CYB5R3: variants seen among roughly 807,000 people sequenced by gnomAD.
CYB5R3 encodes the protein cytochrome b5 reductase 3, also known as NADH-cytochrome b5 reductase 3.
CYB5R3 carries 28 observed loss-of-function variants against 36.5 expected under a neutral mutation model. The ratio of observed to expected loss-of-function variants is 0.77; its 90% CI spans 0.57 to 1.05. The LOEUF (loss-of-function observed/expected upper bound fraction) is 1.05, where lower values mean the gene tolerates loss of function less well. Among genes scored for constraint, CYB5R3 ranks in the 50% least tolerant of loss-of-function variants. The probability of loss-of-function intolerance (pLI) is 0.00; values close to 1 mark genes in which losing one functional copy is unlikely to be tolerated. For missense variants in CYB5R3, 474 were observed against 408.9 expected (o/e 1.16, Z -1.37); for synonymous variants, 181 against 159.8 (o/e 1.13, Z -1.00).
chr22:42,647,376 A>C (rs1235796267), intron 1 of CYB5R3, among the ~76,000 whole-genome samples: 1 of 152,114 alleles, frequency 6.6e-6, no homozygotes, highest in African/African-American at 2.4e-5. Flanking sequence ...CACTTTGAGG[A>C]GCTGGGATGG....
At chr22:42,643,451 AC>A (rs1462552500) in intron 1 of CYB5R3, among the ~76,000 whole-genome samples, 2 of 28,970 alleles carry the variant, frequency 6.9e-5, no homozygotes, top group African/African-American at 2.7e-4. Context: ...CCGCCCCCCC[AC>A]CCCCCACCCT....
intron 6 of CYB5R3, 66 bp from the exon 7 acceptor site, chr22:42,627,455 C>T (rs1928339530): frequency 6.4e-7 from 1 of 1,552,228 alleles, no homozygotes; most frequent in Admixed American, 1.7e-5. Context: ...CCGCCCCGCC[C>T]AGGTGTACTG....
chr22:42,631,235 C>T (rs1287322526), intron 3 of CYB5R3, 143 bp downstream of exon 3: 7 of 860,814 alleles, frequency 8.1e-6, no homozygotes, highest in South Asian at 4.9e-5. Flanking sequence ...AACAGACTCG[C>T]CCTCAAAGGC....
intron 4 of CYB5R3, 92 bp from the exon 5 acceptor site, chr22:42,628,373 C>G (rs948997764): frequency 3.3e-6 from 5 of 1,536,388 alleles, no homozygotes; most frequent in Non-Finnish European, 4.5e-6. Context: ...TCTTCTGCAG[C>G]TTCTTCTGAG....
chr22:42,620,349 A>T (rs1927898648), intron 8 of CYB5R3, among the ~76,000 whole-genome samples: 1 of 152,008 alleles, frequency 6.6e-6, no homozygotes, highest in African/African-American at 2.4e-5. Flanking sequence ...CACGACTGAG[A>T]TGTACCTTCC....
At chr22:42,636,536 G>A (rs1025181283) in intron 2 of CYB5R3, among the ~76,000 whole-genome samples, 179 bp downstream of exon 2, 1 of 152,200 alleles carries the variant, frequency 6.6e-6, no homozygotes, top group Non-Finnish European at 1.5e-5. Context: ...GAGAGACCAG[G>A]GTTTAAATTC....
chr22:42,646,622 A>T, intron 1 of CYB5R3: 1 of 984,140 alleles, frequency 1.0e-6, no homozygotes, highest in Non-Finnish European at 1.2e-6. Flanking sequence ...TAGACAAGCC[A>T]GTCGGGTGAC....
chr22:42,621,930 C>T (rs774363681), intron 8 of CYB5R3, among the ~76,000 whole-genome samples: 6 of 152,224 alleles, frequency 3.9e-5, no homozygotes, highest in South Asian at 2.1e-4. Flanking sequence ...CAGGATAAAA[C>T]GCTCTTTTCT....
Position 42,619,317 on chromosome 22 carries a change from G to T in CYB5R3, c.*456C>A. On this transcript the variant is annotated 3_prime_UTR_variant, in exon 9 of 9. Transcript: ENST00000352397. ...ATGCAGCGTCAGGTGGTGAGGCCTG[G>T]GCCTGGCCCTGAGGCGGGAGTGGGG... The T allele has an allele frequency of 5.2e-6, 1 of 193,108 alleles. No homozygotes were observed. The highest frequency in any genetic ancestry group is 1.1e-5 in the Non-Finnish European group (1 of 91,560). The allele number at this position is 193,108 out of a possible 1,614,324, so 12.0% of individuals were successfully genotyped here.
rs1447749687 is a variant in CYB5R3, at chr22:42,630,928, G to T, written c.287C>A (p.Pro96His). 21 of 1,614,070 alleles carry T rather than the reference G, an allele frequency of 1.3e-5. No individual in the cohort carries two copies. The highest frequency in any genetic ancestry group is 1.7e-5 in the Non-Finnish European group (20 of 1,180,012). ...DGNLVVRPYT[P>H]ISSDDDKGFV... ...GCCCTTGTCATCATCGCTGGAGATG[G>T]GTGTATAGGGCCGGACGACCAGGTT... Residue 96 changes from proline to histidine, a missense_variant, in exon 4 of 9, where the codon CCC becomes CAC. Transcript: ENST00000352397.
intron 1 of CYB5R3, 65 bp downstream of exon 1, chr22:42,649,230 C>T: frequency 1.3e-6 from 1 of 743,750 alleles, no homozygotes; most frequent in Non-Finnish European, 1.7e-6. Context: ...GCCAGCCCGC[C>T]CCCTCGCCGC....
chr22:42,629,896 C>T (rs569808109), intron 4 of CYB5R3, among the ~76,000 whole-genome samples: 46 of 152,298 alleles, frequency 3.0e-4, no homozygotes, highest in African/African-American at 1.1e-3. Flanking sequence ...CTCCCAGCTT[C>T]AAGTGATTCT....
intron 1 of CYB5R3, among the ~76,000 whole-genome samples, chr22:42,648,064 C>T (rs1929609419): frequency 6.6e-6 from 1 of 152,128 alleles, no homozygotes; most frequent in Non-Finnish European, 1.5e-5. Flanking sequence ...GAAAAATGGG[C>T]CGGGTGTTGC....
intron 1 of CYB5R3, chr22:42,638,928 G>C (rs1211628669): frequency 3.2e-6 from 1 of 310,496 alleles, no homozygotes; most frequent in African/African-American, 2.3e-5. Flanking sequence ...CAGCTACTCA[G>C]GAAACTGAGG....
intron 1 of CYB5R3, among the ~76,000 whole-genome samples, chr22:42,646,308 G>A (rs899826295): frequency 9.2e-5 from 14 of 152,180 alleles, no homozygotes; most frequent in Non-Finnish European, 1.9e-4. Context: ...CACAAGCCAT[G>A]CTCTGCCCCA....
intron 1 of CYB5R3, chr22:42,646,873 C>G (rs921431719): frequency 3.1e-5 from 31 of 985,384 alleles, no homozygotes; most frequent in Admixed American, 1.2e-4. Flanking sequence ...TAGGAAAGCC[C>G]GGCAGACTGT....
At chr22:42,631,120 C>A in intron 3 of CYB5R3, 132 bp from the exon 4 acceptor site, 1 of 883,598 alleles carries the variant, frequency 1.1e-6, no homozygotes, top group Non-Finnish European at 1.8e-6. Context: ...ACGGCCCCCT[C>A]CCACCCCTCC....
intron 1 of CYB5R3, among the ~76,000 whole-genome samples, chr22:42,637,838 A>C (rs953735124): frequency 4.6e-5 from 7 of 152,182 alleles, no homozygotes; most frequent in Non-Finnish European, 1.5e-5. Flanking sequence ...GCTGACCCAG[A>C]GTCCACCCAT....
intron 1 of CYB5R3, chr22:42,646,913 C>T (rs1198027231): frequency 1.0e-6 from 1 of 985,478 alleles, no homozygotes; most frequent in Non-Finnish European, 1.2e-6. Flanking sequence ...TCGCTGAGCA[C>T]TCACAGCCGG....
Sources: allele counts gnomAD v4.1 joint callset (sites outside exome capture counted in the v4.1 genomes callset), GRCh38; gene constraint gnomAD v4.1.1; transcripts MANE v1.5; gene names NCBI Gene and HGNC (gene_info 2026-07-23, HGNC 2026-07-21).